SHROOM3: variants seen among roughly 807,000 people sequenced by gnomAD.
The protein encoded by SHROOM3 is protein Shroom3.
SHROOM3 carries 47 observed loss-of-function variants against 138.6 expected under a neutral mutation model. The ratio of observed to expected loss-of-function variants is 0.34; its 90% CI spans 0.27 to 0.43. The LOEUF (loss-of-function observed/expected upper bound fraction) is 0.43. Among genes scored for constraint, SHROOM3 ranks in the 20% least tolerant of loss-of-function variants. The probability of loss-of-function intolerance (pLI) is 1.00; values close to 1 mark genes in which losing one functional copy is unlikely to be tolerated. For missense variants in SHROOM3, 2,491 were observed against 2,596.5 expected, an observed-to-expected ratio of 0.96 and a Z score of 0.88; for synonymous variants, 1,062 against 1,063.3, an observed-to-expected ratio of 1.00 and a Z score of 0.02.
intron 2 of SHROOM3, among the ~76,000 whole-genome samples, chr4:76,598,656 C>T (rs1327532319): frequency 6.6e-6 from 1 of 152,162 alleles, no homozygotes; most frequent in African/African-American, 2.4e-5. Flanking sequence ...CCTGGTGCAG[C>T]TGTATCCACC....
chr4:76,671,746 T>C (rs1299912493), intron 2 of SHROOM3, among the ~76,000 whole-genome samples: 1 of 152,166 alleles, frequency 6.6e-6, no homozygotes, highest in Non-Finnish European at 1.5e-5. Flanking sequence ...GAAAGAAACA[T>C]CTAGAGAGAG....
At chr4:76,558,415 A>C (rs1426228174) in intron 2 of SHROOM3, among the ~76,000 whole-genome samples, 2 of 152,208 alleles carry the variant, frequency 1.3e-5, no homozygotes, top group Non-Finnish European at 2.9e-5. Context: ...GATTATTATT[A>C]TTCTGGATTA....
chr4:76,659,224 G>A (rs1228430982), intron 2 of SHROOM3, among the ~76,000 whole-genome samples: 1 of 152,036 alleles, frequency 6.6e-6, no homozygotes, highest in Non-Finnish European at 1.5e-5. Context: ...TTCCCGATGT[G>A]AACTGACTCT....
chr4:76,672,419 CAAAAAAAAA>C (rs35488837), intron 2 of SHROOM3, among the ~76,000 whole-genome samples: 19 of 127,270 alleles, frequency 1.5e-4, no homozygotes, highest in Admixed American at 1.2e-3. Context: ...AATTAGGGAC[CAAAAAAAAA>C]AAAAAAAAAA....
chr4:76,451,525 A>G (rs1029133543), intron 1 of SHROOM3, among the ~76,000 whole-genome samples: 3 of 152,222 alleles, frequency 2.0e-5, no homozygotes, highest in Admixed American at 6.5e-5. Flanking sequence ...CTAGGGCACA[A>G]GGGATGATGT....
intron 2 of SHROOM3, chr4:76,709,881 C>T: frequency 2.6e-6 from 1 of 390,994 alleles, no homozygotes. Flanking sequence ...TTCCTTTTTG[C>T]TTAGAAAATC....
chr4:76,638,558 G>C, intron 2 of SHROOM3, among the ~76,000 whole-genome samples: 1 of 151,978 alleles, frequency 6.6e-6, no homozygotes, highest in South Asian at 2.1e-4. Context: ...TTTACAAAAA[G>C]TTTTCTTTTT....
chr4:76,588,031 T>C (rs1478954950), intron 2 of SHROOM3, among the ~76,000 whole-genome samples: 1 of 152,224 alleles, frequency 6.6e-6, no homozygotes, highest in Non-Finnish European at 1.5e-5. Context: ...CCTCATCTTA[T>C]TCCCTAATCT....
At chr4:76,688,539 T>C in intron 2 of SHROOM3, 2 of 985,368 alleles carry the variant, frequency 2.0e-6, no homozygotes, top group Non-Finnish European at 2.4e-6. Context: ...TTACTGTTAC[T>C]TTCATCTCTG....
chr4:76,452,502 G>C (rs1730946526), intron 1 of SHROOM3, among the ~76,000 whole-genome samples: 2 of 152,190 alleles, frequency 1.3e-5, no homozygotes, highest in Non-Finnish European at 2.9e-5. Flanking sequence ...GTTCTTTTGA[G>C]ACTGGCCTAT....
intron 1 of SHROOM3, among the ~76,000 whole-genome samples, chr4:76,518,380 T>C (rs1026555372): frequency 6.6e-6 from 1 of 152,168 alleles, no homozygotes; most frequent in African/African-American, 2.4e-5. Flanking sequence ...GAGATCATTT[T>C]CCCCATGTCT....
chr4:76,662,883 G>A (rs965369970), intron 2 of SHROOM3, among the ~76,000 whole-genome samples: 4 of 151,898 alleles, frequency 2.6e-5, no homozygotes, highest in African/African-American at 9.7e-5. Flanking sequence ...CCCTATCTGA[G>A]GGAGAGGGAG....
At chr4:76,626,959 CA>C (rs1735163434) in intron 2 of SHROOM3, among the ~76,000 whole-genome samples, 1 of 152,196 alleles carries the variant, frequency 6.6e-6, no homozygotes, top group Non-Finnish European at 1.5e-5. Flanking sequence ...TTCACGCCCA[CA>C]GACAGCATTG....
At chr4:76,529,576 C>T (rs1171962205) in intron 1 of SHROOM3, among the ~76,000 whole-genome samples, 3 of 152,090 alleles carry the variant, frequency 2.0e-5, no homozygotes, top group Non-Finnish European at 4.4e-5. Flanking sequence ...CCACCTGCCT[C>T]GGCCTCCCAA....
intron 1 of SHROOM3, among the ~76,000 whole-genome samples, chr4:76,512,644 T>C (rs538556890): frequency 6.6e-6 from 1 of 152,160 alleles, no homozygotes; most frequent in East Asian, 1.9e-4. Flanking sequence ...ACCTCCAAAA[T>C]GATTGGGGGT....
At chr4:76,675,175 G>A (rs932276223) in intron 2 of SHROOM3, among the ~76,000 whole-genome samples, 2 of 152,124 alleles carry the variant, frequency 1.3e-5, no homozygotes, top group Admixed American at 6.6e-5. Flanking sequence ...AAACAAGGTG[G>A]GGTGTGTGTA....
At position 76,664,392 on chromosome 4, in the gene SHROOM3, C is replaced by T. The variant is rs1050918036; in HGVS notation, c.324-45764C>T. 2.2e-4 allele frequency among the ~76,000 whole-genome samples: 34 copies of T among 152,300 alleles called. No homozygotes were observed. The highest frequency in any genetic ancestry group is 5.8e-4 in the African/African-American group (24 of 41,566). On this transcript the variant is annotated intron_variant, in intron 2 of 10. Transcript: ENST00000296043. This position sits in a 1 kb window ranked among gnomAD's most constrained non-coding sequence, Gnocchi z 4.2. ...TGCAGGCAGTTGTTAATTGATCATT[C>T]TTCTTGAGTTTATGCAGCCAGAATC...
rs1722711225 is a variant in SHROOM3 at position 76,780,687 on chromosome 4, T to A, written c.*1510T>A. ...GTCTTTTGATTAACTTATAAACAACTGGCCACCCAGAAGTTTCCTTTGCAT... is the reference window on the plus strand; with the variant it reads ...GTCTTTTGATTAACTTATAAACAACAGGCCACCCAGAAGTTTCCTTTGCAT... On this transcript the variant is annotated 3_prime_UTR_variant, in exon 11 of 11. Coordinates refer to ENST00000296043, the MANE Select transcript of SHROOM3 (RefSeq NM_020859.4). 6.6e-6 allele frequency: 1 copy of A among 152,220 alleles called. No individual in the cohort carries two copies. Among genetic ancestry groups the A allele is most frequent in the Admixed American group, 6.5e-5 (1 of 15,290 alleles). The allele number at this position is 152,220 out of a possible 1,614,324, so 9.4% of individuals were successfully genotyped here. A position where few individuals can be genotyped will look rare whatever the true frequency, so the allele number is the denominator to read the frequency against.
At chr4:76,726,840 C>T (rs1171278129) in intron 3 of SHROOM3, among the ~76,000 whole-genome samples, 1 of 152,216 alleles carries the variant, frequency 6.6e-6, no homozygotes, top group Non-Finnish European at 1.5e-5. Flanking sequence ...ATCTCCTTGA[C>T]AGGAAGACAT....
Sources: gnomAD v4.1 joint callset for allele counts (sites outside exome capture counted in the v4.1 genomes callset) on GRCh38, gnomAD v4.1.1 for gene constraint, Gnocchi (gnomAD v3.1) non-coding constraint, MANE v1.5 for transcripts, NCBI Gene and HGNC (gene_info 2026-07-23, HGNC 2026-07-21) for gene names.